Variants in CDK14 observed in about 807,000 individuals in gnomAD.
The protein encoded by CDK14 is cyclin dependent kinase 14.
Under a neutral mutation model 60.7 loss-of-function variants are expected in CDK14, and 34 were observed. The ratio of observed to expected loss-of-function variants is 0.56; its 90% CI spans 0.43 to 0.75. CDK14 has a LOEUF of 0.75. Ranked by LOEUF, CDK14 falls within the 30% of genes least tolerant of loss-of-function variation. CDK14 has a pLI of 0.00. For missense variants in CDK14, 482 were observed against 564.1 expected (o/e 0.85, Z 1.47); for synonymous variants, 197 against 203.7 (o/e 0.97, Z 0.28).
intron 14 of CDK14, among the ~76,000 whole-genome samples, chr7:91,130,288 T>C (rs1027165200): frequency 1.3e-5 from 2 of 152,178 alleles, no homozygotes; most frequent in Admixed American, 6.6e-5. Flanking sequence ...ACTAATTCTC[T>C]TTGGAAAATG....
At chr7:91,139,866 C>G (rs1216695422) in intron 14 of CDK14, among the ~76,000 whole-genome samples, 1 of 140,206 alleles carries the variant, frequency 7.1e-6, no homozygotes, top group Non-Finnish European at 1.6e-5. Flanking sequence ...CTTTATTTTC[C>G]CTCTTTCTCT....
intron 8 of CDK14, among the ~76,000 whole-genome samples, chr7:90,935,319 CA>C: frequency 6.6e-6 from 1 of 152,184 alleles, no homozygotes; most frequent in East Asian, 1.9e-4. Context: ...AATTGATAAA[CA>C]TTCAGACCAT....
rs867117334 is a variant in CDK14 at position 91,091,340 on chromosome 7, T to C, written c.1154+11860T>C. On this transcript the variant is annotated intron_variant, in intron 12 of 14. Transcript: ENST00000380050. Reference sequence around the variant, plus strand: ...TTATGTATACACATATGTGTATACATATATGTGTATATAAATTATATATAC... The same window carrying C: ...TTATGTATACACATATGTGTATACACATATGTGTATATAAATTATATATAC... Among the ~76,000 whole-genome samples, 5 of 144,774 alleles carry C rather than the reference T, an allele frequency of 3.5e-5. No homozygotes were observed. In the East Asian group the frequency reaches 5.9e-4, roughly 17 times the overall value. The allele number at this position is 144,774 out of a possible 152,430, so 95.0% of individuals were successfully genotyped here.
intron 5 of CDK14, among the ~76,000 whole-genome samples, chr7:90,849,200 A>ATTTTATTTTTCTT (rs1562797399): frequency 6.6e-6 from 1 of 151,944 alleles, no homozygotes; most frequent in African/African-American, 2.4e-5. Context: ...TTTAAAAAGG[A>ATTTTATTTTTCTT]GCCTGATACC....
chr7:90,950,286 G>A (rs549989709), intron 8 of CDK14, among the ~76,000 whole-genome samples: 2 of 152,178 alleles, frequency 1.3e-5, no homozygotes, highest in East Asian at 3.9e-4. Context: ...ATGTTGGCCA[G>A]GCTGGTCTTG....
At chr7:90,951,984 T>C (rs1408305911) in intron 8 of CDK14, among the ~76,000 whole-genome samples, 2 of 152,100 alleles carry the variant, frequency 1.3e-5, no homozygotes, top group Non-Finnish European at 2.9e-5. Context: ...ATAAAGTGTA[T>C]ATATTTGAGA....
intron 9 of CDK14, among the ~76,000 whole-genome samples, chr7:90,977,794 C>T (rs556262863): frequency 6.6e-6 from 1 of 152,098 alleles, no homozygotes; most frequent in East Asian, 1.9e-4. Context: ...GTGTTGCTTT[C>T]GATTCATTCA....
intron 5 of CDK14, among the ~76,000 whole-genome samples, chr7:90,817,405 G>C (rs1049628726): frequency 2.0e-5 from 3 of 152,152 alleles, no homozygotes; most frequent in Admixed American, 2.0e-4. Context: ...GCCAGAACTT[G>C]GCGGTGGTTC....
At chr7:91,174,407 C>T (rs1476696516) in intron 14 of CDK14, among the ~76,000 whole-genome samples, 2 of 150,426 alleles carry the variant, frequency 1.3e-5, no homozygotes, top group Non-Finnish European at 3.0e-5. Context: ...CGCCTCTCCT[C>T]CTCCAAAGGA....
rs145725674 is a variant in CDK14 at position 90,939,270 on chromosome 7, A to G, written c.827-16427A>G. On this transcript the variant is annotated intron_variant, in intron 8 of 14. Transcript: ENST00000380050. Reference sequence around the variant, plus strand: ...CAAGATGGGAATATTTAAAGTATACATAACAGATTCTGAAAAACTAGGACA... The same window carrying G: ...CAAGATGGGAATATTTAAAGTATACGTAACAGATTCTGAAAAACTAGGACA... Among the ~76,000 whole-genome samples the G allele has an allele frequency of 4.6e-4, 70 of 152,380 alleles. No homozygotes were observed. In the East Asian group the frequency reaches 0.012, roughly 26 times the overall value.
chr7:91,157,019 G>A (rs1032401902), intron 14 of CDK14, among the ~76,000 whole-genome samples: 5 of 152,088 alleles, frequency 3.3e-5, no homozygotes, highest in African/African-American at 1.2e-4. Flanking sequence ...TGTGACTTAG[G>A]TATCTTAAGT....
intron 5 of CDK14, among the ~76,000 whole-genome samples, chr7:90,856,350 A>C (rs1448366355): frequency 6.6e-6 from 1 of 152,098 alleles, no homozygotes; most frequent in Non-Finnish European, 1.5e-5. Flanking sequence ...TCCAACATTT[A>C]ATTCTATTTT....
intron 5 of CDK14, among the ~76,000 whole-genome samples, chr7:90,845,340 T>C (rs1790431853): frequency 6.6e-6 from 1 of 152,178 alleles, no homozygotes; most frequent in African/African-American, 2.4e-5. Flanking sequence ...TTAAACATTT[T>C]TGGACATCAT....
At chr7:91,047,368 G>A (rs546715275) in intron 11 of CDK14, among the ~76,000 whole-genome samples, 120 of 152,290 alleles carry the variant, frequency 7.9e-4, no homozygotes, top group African/African-American at 2.8e-3. Context: ...GTGTTTTGGT[G>A]GGAATAGAAT....
chr7:90,927,563 G>T (rs1374973725), intron 8 of CDK14, among the ~76,000 whole-genome samples: 1 of 151,940 alleles, frequency 6.6e-6, no homozygotes, highest in Non-Finnish European at 1.5e-5. Context: ...TGCAAGTGGT[G>T]GTGTAACAGA....
chr7:90,674,423 CAGTT>C (rs1396530984), intron 2 of CDK14, among the ~76,000 whole-genome samples: 1 of 152,056 alleles, frequency 6.6e-6, no homozygotes, highest in African/African-American at 2.4e-5. Flanking sequence ...TAAAGACAAT[CAGTT>C]AGGGAAGGTG....
At chr7:90,894,730 A>C (rs1792241312) in intron 6 of CDK14, among the ~76,000 whole-genome samples, 1 of 152,232 alleles carries the variant, frequency 6.6e-6, no homozygotes, top group Non-Finnish European at 1.5e-5. Flanking sequence ...TTATTTATGC[A>C]AAGTTGGCAT....
chr7:91,075,018 A>C (rs1369728411), intron 11 of CDK14, among the ~76,000 whole-genome samples: 1 of 152,190 alleles, frequency 6.6e-6, no homozygotes, highest in Non-Finnish European at 1.5e-5. Flanking sequence ...AAACCAAAAA[A>C]AGCCCAGGAC....
chr7:90,989,545 A>T (rs1384871816), intron 10 of CDK14, among the ~76,000 whole-genome samples: 1 of 152,192 alleles, frequency 6.6e-6, no homozygotes, highest in Non-Finnish European at 1.5e-5. Context: ...TGTAGTAATG[A>T]CCATGAAAAT....
Sources: allele counts gnomAD v4.1 joint callset (sites outside exome capture counted in the v4.1 genomes callset), GRCh38; gene constraint gnomAD v4.1.1; transcripts MANE v1.5; gene names NCBI Gene and HGNC (gene_info 2026-07-23, HGNC 2026-07-21).